Variants in DNAH5 observed in about 807,000 individuals in gnomAD.
The protein encoded by DNAH5 is axonemal beta dynein heavy chain 5.
A neutral mutation model predicts 518.2 loss-of-function variants in DNAH5; 372 were observed. The ratio of observed to expected loss-of-function variants is 0.72; its 90% CI spans 0.66 to 0.78. DNAH5 has a LOEUF of 0.78. Ranked by LOEUF, DNAH5 falls within the 30% of genes least tolerant of loss-of-function variation. The pLI, the probability that DNAH5 is intolerant of heterozygous loss-of-function variation, is 0.00. For synonymous variants in DNAH5, 2,039 were observed against 2,025.9 expected (o/e 1.01, Z -0.17); for missense variants, 5,523 against 5,687.0 (o/e 0.97, Z 0.93).
chr5:13,914,623 G>T lies in DNAH5; in HGVS notation c.1217C>A (p.Ser406Tyr), dbSNP rs1367562575. The T allele has an allele frequency of 1.9e-6, 3 of 1,612,860 alleles. No homozygotes were observed. Among genetic ancestry groups the T allele is most frequent in the African/African-American group, 2.7e-5 (2 of 74,882 alleles). ...LFVKVTNQIISACKAYITNNG... is the reference protein window; with the variant it reads ...LFVKVTNQIIYACKAYITNNG... Reference sequence around the variant, plus strand: ...ATTGGTAATATAGGCTTTACATGCAGATATAATCTGATTTGTCACCTGGGA... The same window carrying T: ...ATTGGTAATATAGGCTTTACATGCATATATAATCTGATTTGTCACCTGGGA... Residue 406 changes from serine to tyrosine, a missense_variant, in exon 10 of 79, where the codon TCT (serine) becomes TAT (tyrosine). Physicochemically the swap from Ser to Tyr is moderately radical, Grantham distance 144. This residue lies in a region of DNAH5 where 5,121 missense variants were observed against 5,223.3 expected (regional missense o/e 0.98). Transcript: ENST00000265104.
chr5:13,874,037 G>A (rs1267408226), intron 22 of DNAH5, among the ~76,000 whole-genome samples: 1 of 152,110 alleles, frequency 6.6e-6, no homozygotes, highest in African/African-American at 2.4e-5. Context: ...CCCACATACA[G>A]CTAAAATGTC....
At chr5:13,806,627 G>C (rs12657503) in intron 47 of DNAH5, among the ~76,000 whole-genome samples, 14,032 of 152,198 alleles carry the variant, frequency 0.092, 855 homozygotes, top group East Asian at 0.38. Context: ...ATCTTCTGGT[G>C]ATATATTAAT....
chr5:13,730,043 G>C (rs1746274018), intron 68 of DNAH5, among the ~76,000 whole-genome samples: 1 of 152,186 alleles, frequency 6.6e-6, no homozygotes, highest in South Asian at 2.1e-4. Context: ...AGTAGTACTA[G>C]ATGTTTGAAG....
At chr5:13,747,228 T>C (rs956614425) in intron 65 of DNAH5, among the ~76,000 whole-genome samples, 1 of 152,206 alleles carries the variant, frequency 6.6e-6, no homozygotes, top group Non-Finnish European at 1.5e-5. Context: ...TCATCCTTTT[T>C]TACGGCTGCA....
At chr5:13,856,890 T>C (rs568326434) in intron 30 of DNAH5, among the ~76,000 whole-genome samples, 168 of 152,162 alleles carry the variant, frequency 1.1e-3, no homozygotes, top group Non-Finnish European at 1.9e-3. Context: ...TTATGACAAA[T>C]CCACAGCCAA....
At position 13,751,120 on chromosome 5, in the gene DNAH5, T is replaced by C. The variant is rs1341634539; in HGVS notation, c.11169A>G (p.Leu3723=). The C allele has an allele frequency of 1.9e-6, 3 of 1,614,002 alleles. No individual in the cohort carries two copies. The highest frequency in any genetic ancestry group is 1.7e-6 in the Non-Finnish European group (2 of 1,179,916). ...TGACCCTCCCCAGTAACTGATCTTCTAGACCTTTCATGGTGACAGTGAAGT... is the reference window on the plus strand; with the variant it reads ...TGACCCTCCCCAGTAACTGATCTTCCAGACCTTTCATGGTGACAGTGAAGT... The part of the protein sequence containing the change: ...IIDFTVTMKG[L]EDQLLGRVIL... The change falls in exon 65 of 79, where the codon CTA becomes CTG. Residue 3723 remains leucine (L), a synonymous_variant. Transcript: ENST00000265104.
chr5:13,934,306 T>C (rs1196235315), intron 1 of DNAH5, among the ~76,000 whole-genome samples: 1 of 152,106 alleles, frequency 6.6e-6, no homozygotes, highest in African/African-American at 2.4e-5. Flanking sequence ...CCCCTACAGA[T>C]GACAGCAAGC....
chr5:13,803,309 C>T (rs1319329744), intron 47 of DNAH5, among the ~76,000 whole-genome samples: 4 of 152,122 alleles, frequency 2.6e-5, no homozygotes, highest in South Asian at 4.1e-4. Flanking sequence ...AATAGTCTTA[C>T]ATTAGGAAAG....
chr5:13,817,613 G>A lies in DNAH5; in HGVS notation c.6923C>T (p.Ala2308Val). 2.5e-6 allele frequency: 4 copies of A among 1,614,106 alleles called. No homozygotes were observed. The highest frequency in any genetic ancestry group is 3.4e-6 in the Non-Finnish European group (4 of 1,179,990). The part of the protein sequence containing the change: ...APQMFGRLDV[A>V]TNDWTDGIFS... Reference sequence around the variant, plus strand: ...TATCCCATCAGTCCAGTCATTTGTGGCAACGTCCAGCCGACCAAACATCTG... The same window carrying A: ...TATCCCATCAGTCCAGTCATTTGTGACAACGTCCAGCCGACCAAACATCTG... The change falls in exon 42 of 79, where the codon GCC becomes GTC. Residue 2308 changes from alanine to valine, a missense_variant. Coordinates refer to ENST00000265104, the MANE Select transcript of DNAH5 (RefSeq NM_001369.3).
At position 13,900,234 on chromosome 5, in the gene DNAH5, C is replaced by G; in HGVS notation, c.2231G>C (p.Arg744Thr). ...CATGTTACTGAAGTTCCTTTTGTATCTATCTCGTTTCTGGAAGAGGGAAGT... is the reference window on the plus strand; with the variant it reads ...CATGTTACTGAAGTTCCTTTTGTATGTATCTCGTTTCTGGAAGAGGGAAGT... Reference protein sequence around the residue: ...LATSLFQKRDRYKRNFSNMKM... With the variant: ...LATSLFQKRDTYKRNFSNMKM... The change falls in exon 15 of 79, where the codon AGA becomes ACA. Residue 744 changes from arginine to threonine, a missense_variant. Coordinates refer to ENST00000265104, the MANE Select transcript of DNAH5 (RefSeq NM_001369.3). 6.2e-7 allele frequency: 1 copy of G among 1,614,066 alleles called. No individual in the cohort carries two copies. The highest frequency in any genetic ancestry group is 8.5e-7 in the Non-Finnish European group (1 of 1,179,922).
chr5:13,738,454 T>C (rs1275915396), intron 65 of DNAH5, among the ~76,000 whole-genome samples: 3 of 152,226 alleles, frequency 2.0e-5, no homozygotes, highest in Non-Finnish European at 2.9e-5. Flanking sequence ...GAGCTGCAAC[T>C]GTGAGCACGT....
At chr5:13,809,249 C>A (rs1760205196) in intron 45 of DNAH5, 63 bp from the exon 46 acceptor site, 9 of 1,587,316 alleles carry the variant, frequency 5.7e-6, no homozygotes, top group Non-Finnish European at 6.1e-6. Context: ...CTGTAATGAG[C>A]AGACATCCTT....
At chr5:13,905,318 AT>A (rs1775153551) in intron 12 of DNAH5, among the ~76,000 whole-genome samples, 1 of 152,156 alleles carries the variant, frequency 6.6e-6, no homozygotes, top group African/African-American at 2.4e-5. Flanking sequence ...CGGTGGATTA[AT>A]GTTATCGCAG....
chr5:13,949,642 A>C (rs1780220240), upstream of DNAH5, among the ~76,000 whole-genome samples: 1 of 152,240 alleles, frequency 6.6e-6, no homozygotes, highest in Non-Finnish European at 1.5e-5. Context: ...AGAGCATCTA[A>C]GTTCTGCCGT....
intron 42 of DNAH5, among the ~76,000 whole-genome samples, chr5:13,816,958 T>TTATATTC (rs1367297103): frequency 1.3e-5 from 2 of 152,160 alleles, no homozygotes; most frequent in African/African-American, 4.8e-5. Flanking sequence ...CCCACCGAAT[T>TTATATTC]TATATTCTGA....
At chr5:13,813,749 C>T (rs1431056074) in intron 43 of DNAH5, among the ~76,000 whole-genome samples, 1 of 152,068 alleles carries the variant, frequency 6.6e-6, no homozygotes, top group Non-Finnish European at 1.5e-5. Context: ...CCTTTTGCAA[C>T]AGAGTTGAGT....
chr5:13,841,082 C>T lies in DNAH5; in HGVS notation c.5533G>A (p.Ala1845Thr), dbSNP rs1347680832. ...QMIWTRDSEE[A>T]LRNAKFDKKI... ...TTATCAAACTTGGCATTTCTAAGGGCTTCTTCTGAATCCCGTGTCCATATC... is the reference window on the plus strand; with the variant it reads ...TTATCAAACTTGGCATTTCTAAGGGTTTCTTCTGAATCCCGTGTCCATATC... The change falls in exon 34 of 79, where the codon GCC becomes ACC. Residue 1845 changes from alanine (A) to threonine (T), a missense_variant. By Grantham distance (58) the Ala-to-Thr change is moderately conservative (BLOSUM62 0). Transcript: ENST00000265104. 6.2e-7 allele frequency: 1 copy of T among 1,614,124 alleles called. No homozygotes were observed. Among genetic ancestry groups the T allele is most frequent in the Non-Finnish European group, 8.5e-7 (1 of 1,180,004 alleles).
At chr5:13,974,889 CG>C (rs1473890845) in intron 1 of DNAH5, among the ~76,000 whole-genome samples, 1 of 152,136 alleles carries the variant, frequency 6.6e-6, no homozygotes, top group Non-Finnish European at 1.5e-5. Flanking sequence ...AAGCTGGTAT[CG>C]GTGGCCAGGA....
chr5:13,894,691 A>G lies in DNAH5; in HGVS notation c.2390T>C (p.Leu797Pro), dbSNP rs1773687542. ...PGLAALTWTS[L>P]NIEAYLENTF... ...GTTTTCTAAATAAGCCTCAATATTC[A>G]GTGATGTCCAGGTCAGTGCAGCCAA... Residue 797 changes from leucine (L) to proline (P), a missense_variant, in exon 16 of 79, where the codon CTG (leucine) becomes CCG (proline). This residue lies in a region of DNAH5 where 5,121 missense variants were observed against 5,223.3 expected (regional missense o/e 0.98). Transcript: ENST00000265104. 4 of 1,614,008 alleles carry G rather than the reference A, an allele frequency of 2.5e-6. No homozygotes were observed. The highest frequency in any genetic ancestry group is 3.4e-6 in the Non-Finnish European group (4 of 1,179,964).
Sources: gnomAD v4.1 joint callset for allele counts (sites outside exome capture counted in the v4.1 genomes callset) on GRCh38, gnomAD v4.1.1 for gene constraint, gnomAD v4.1.1 regional missense constraint, MANE v1.5 for transcripts, NCBI Gene and HGNC (gene_info 2026-07-23, HGNC 2026-07-21) for gene names.